ANKRD11: variants seen among roughly 807,000 people sequenced by gnomAD.
ANKRD11 encodes the protein ankyrin repeat domain-containing protein 11.
ANKRD11 carries 17 observed loss-of-function variants against 195.7 expected under a neutral mutation model. The observed-to-expected ratio is 0.09, with a 90% CI of 0.06 to 0.13. The LOEUF (loss-of-function observed/expected upper bound fraction) is 0.13. ANKRD11 is among the 10% of genes least tolerant of loss of function. The pLI, the probability that ANKRD11 is intolerant of heterozygous loss-of-function variation, is 1.00. For missense variants in ANKRD11, 3,735 were observed against 3,566.1 expected (o/e 1.05, Z -1.21); for synonymous variants, 1,953 against 1,528.1 (o/e 1.28, Z -6.49).
At chr16:89,371,414 T>C (rs1033051939) in intron 2 of ANKRD11, among the ~76,000 whole-genome samples, 2 of 152,216 alleles carry the variant, frequency 1.3e-5, no homozygotes, top group Non-Finnish European at 2.9e-5. Context: ...CACAGACAGG[T>C]GTCCAGCTGC....
chr16:89,415,619 G>C (rs976470213), intron 2 of ANKRD11, among the ~76,000 whole-genome samples: 1 of 151,132 alleles, frequency 6.6e-6, no homozygotes, highest in Non-Finnish European at 1.5e-5. Flanking sequence ...ATGGAGAACA[G>C]GCATTCAAGA....
chr16:89,469,671 G>A (rs1285730649), intron 1 of ANKRD11, among the ~76,000 whole-genome samples: 2 of 151,080 alleles, frequency 1.3e-5, no homozygotes, highest in African/African-American at 4.9e-5. Context: ...GGCTGAGGCG[G>A]GCGGATCACG....
intron 3 of ANKRD11, among the ~76,000 whole-genome samples, chr16:89,314,816 C>T (rs2036848941): frequency 6.6e-6 from 1 of 152,184 alleles, no homozygotes; most frequent in South Asian, 2.1e-4. Flanking sequence ...GCATCCTACC[C>T]AGGCCACCAC....
chr16:89,326,708 C>T (rs1327179489), intron 2 of ANKRD11, among the ~76,000 whole-genome samples: 4 of 152,170 alleles, frequency 2.6e-5, no homozygotes, highest in African/African-American at 9.7e-5. Flanking sequence ...CACCACTGCA[C>T]TCCAACCTTG....
intron 1 of ANKRD11, among the ~76,000 whole-genome samples, chr16:89,432,594 A>G (rs1440794268): frequency 6.6e-6 from 1 of 151,980 alleles, no homozygotes; most frequent in Non-Finnish European, 1.5e-5. Context: ...TTTCTTCCTT[A>G]TACTTCTCAA....
At chr16:89,278,955 G>C (rs567807902) in intron 9 of ANKRD11, 117 bp downstream of exon 9, 2 of 1,481,498 alleles carry the variant, frequency 1.3e-6, no homozygotes, top group African/African-American at 1.4e-5. Flanking sequence ...GTGGCAGAAG[G>C]TCGAGAGAGG....
chr16:89,402,742 T>G, intron 2 of ANKRD11, among the ~76,000 whole-genome samples: 1 of 109,302 alleles, frequency 9.1e-6, no homozygotes, highest in Non-Finnish European at 1.9e-5. Flanking sequence ...TGGGGTGAGA[T>G]AGGGGGTATC....
chr16:89,476,709 T>C (rs984176406), intron 1 of ANKRD11, among the ~76,000 whole-genome samples: 4 of 152,186 alleles, frequency 2.6e-5, no homozygotes, highest in Non-Finnish European at 5.9e-5. Context: ...ACACATATCC[T>C]AGAGGTATAC....
At chr16:89,481,845 G>A (rs952376130) in intron 1 of ANKRD11, among the ~76,000 whole-genome samples, 4 of 151,672 alleles carry the variant, frequency 2.6e-5, no homozygotes, top group Admixed American at 1.3e-4. Flanking sequence ...TCCCGAAGTC[G>A]AAGATGCCCT....
Position 89,330,988 on chromosome 16 carries a change from T to C in ANKRD11, c.-59-13910A>G, listed in dbSNP as rs1224266043. On this transcript the variant is annotated intron_variant, in intron 2 of 12. Transcript: ENST00000301030. ...CTTTTTCTTGAGACGGAGTCTCACT[T>C]TGTCGCCCAGGCTGGAGTGCAATGG... Among the ~76,000 whole-genome samples the C allele has an allele frequency of 7.2e-5, 11 of 152,360 alleles. No individual in the cohort carries two copies. The East Asian group carries it at 2.1e-3, about 29-fold the overall frequency.
intron 4 of ANKRD11, among the ~76,000 whole-genome samples, chr16:89,296,162 C>T (rs1567600929): frequency 6.6e-6 from 1 of 151,752 alleles, no homozygotes; most frequent in Non-Finnish European, 1.5e-5. Context: ...TTTTAACATC[C>T]TCCCTTTGCT....
intron 1 of ANKRD11, among the ~76,000 whole-genome samples, chr16:89,463,339 T>C (rs1034613201): frequency 5.9e-5 from 9 of 152,250 alleles, no homozygotes; most frequent in African/African-American, 2.4e-5. Flanking sequence ...AGAAAACTTC[T>C]GCCTTGGGAT....
intron 3 of ANKRD11, among the ~76,000 whole-genome samples, chr16:89,315,962 C>T (rs1208231616): frequency 2.0e-5 from 3 of 152,168 alleles, no homozygotes; most frequent in Admixed American, 1.3e-4. Context: ...GACCAGAAGG[C>T]GGCCCAGAGC....
chr16:89,329,005 G>A (rs988043154), intron 2 of ANKRD11: 1 of 150,554 alleles, frequency 6.6e-6, no homozygotes, highest in Admixed American at 6.6e-5. Flanking sequence ...CCAGGCGCAC[G>A]GGCGAATCTG....
chr16:89,345,860 C>A (rs1225889977), intron 2 of ANKRD11, among the ~76,000 whole-genome samples: 1 of 152,110 alleles, frequency 6.6e-6, no homozygotes, highest in Non-Finnish European at 1.5e-5. Flanking sequence ...GTAAGGTGAG[C>A]CACTATAATA....
At chr16:89,435,834 A>ACACG (rs386385381) in intron 1 of ANKRD11, among the ~76,000 whole-genome samples, 2 of 147,930 alleles carry the variant, frequency 1.4e-5, no homozygotes, top group South Asian at 2.1e-4. Flanking sequence ...ACACACACAC[A>ACACG]CGCTTTCGGT....
intron 1 of ANKRD11, among the ~76,000 whole-genome samples, chr16:89,449,112 A>G (rs76408891): frequency 0.033 from 4,887 of 150,252 alleles, 267 homozygotes; most frequent in African/African-American, 0.11. Context: ...GCATGTTGGG[A>G]GGCTGAGGCC....
chr16:89,458,381 C>T (rs1433075975), intron 1 of ANKRD11, among the ~76,000 whole-genome samples: 12 of 152,146 alleles, frequency 7.9e-5, no homozygotes, highest in South Asian at 4.1e-4. Context: ...CCCGCCACCA[C>T]GCCCGGCTAA....
At chr16:89,390,312 G>A (rs1327056779) in intron 2 of ANKRD11, among the ~76,000 whole-genome samples, 1 of 150,554 alleles carries the variant, frequency 6.6e-6, no homozygotes, top group African/African-American at 2.4e-5. Flanking sequence ...CACCGAGTGT[G>A]GCGTGGAGCA....
Sources: allele counts gnomAD v4.1 joint callset (sites outside exome capture counted in the v4.1 genomes callset), GRCh38; gene constraint gnomAD v4.1.1; transcripts MANE v1.5; gene names NCBI Gene and HGNC (gene_info 2026-07-23, HGNC 2026-07-21).